The following RNFT2 variants were observed in gnomAD, a reference collection of about 807,000 sequenced individuals.
RNFT2 encodes E3 ubiquitin-protein ligase RNFT2.
RNFT2 carries 36 observed loss-of-function variants against 53.0 expected under a neutral mutation model. That is an observed-to-expected ratio of 0.68 (90% confidence interval 0.52 to 0.90). The LOEUF is 0.90. Ranked by LOEUF, RNFT2 falls within the 40% of genes least tolerant of loss-of-function variation. RNFT2 has a pLI of 0.00. For synonymous variants in RNFT2, 260 were observed against 253.2 expected (o/e 1.03, Z -0.26); for missense variants, 514 against 585.6 (o/e 0.88, Z 1.26).
At position 116,750,016 on chromosome 12, in the gene RNFT2, G is replaced by A. The variant is rs767240872; in HGVS notation, c.259G>A (p.Val87Met). The change falls in exon 4 of 11, where the codon GTG (valine) becomes ATG (methionine). Residue 87 changes from valine to methionine, a missense_variant. By Grantham distance (21) the Val-to-Met change is conservative. Around this residue, in one of 3 missense-constraint regions of RNFT2, gnomAD observed 237 missense variants for 235.1 expected, o/e 1.01. Transcript: ENST00000257575. The stretch of plus-strand genomic sequence containing the variant: ...GGGCTCCTCGGCTGGCGGCGGGGAC[G>A]TGTTCATCCAGATGCCCGCGTCCAG... The part of the protein sequence containing the change: ...VLGSSAGGGD[V>M]FIQMPASREE... The A allele has an allele frequency of 5.8e-6, 9 of 1,554,436 alleles. No homozygotes were observed. Among genetic ancestry groups the A allele is most frequent in the African/African-American group, 1.4e-5 (1 of 73,350 alleles).
At chr12:116,742,554 G>A (rs984838210) in intron 3 of RNFT2, among the ~76,000 whole-genome samples, 9 of 152,080 alleles carry the variant, frequency 5.9e-5, no homozygotes, top group Non-Finnish European at 1.3e-4. Context: ...GATTATAAGC[G>A]CAAGCCACCA....
In RNFT2 at chr12:116,749,338, C is replaced by T. The variant is rs545138627; in HGVS notation, c.84-503C>T. 4.2e-5 allele frequency among the ~76,000 whole-genome samples: 6 copies of T among 141,394 alleles called. No homozygotes were observed. In the South Asian group the frequency reaches 9.3e-4, roughly 22 times the overall value. 92.8% of individuals were successfully genotyped at this position (141,394 alleles called of 152,430 possible). ...TGTCGCCCAGGCTGGAGTGCAGTGG[C>T]GAGATCTTGGCTCACTACAGCCTCA... On this transcript the variant is annotated intron_variant, in intron 3 of 10. Coordinates refer to ENST00000257575, the MANE Select transcript of RNFT2 (RefSeq NM_001382266.1).
intron 7 of RNFT2, among the ~76,000 whole-genome samples, chr12:116,796,124 G>T (rs1874495339): frequency 6.6e-6 from 1 of 152,018 alleles, no homozygotes; most frequent in Non-Finnish European, 1.5e-5. Flanking sequence ...GGCCAGGGTA[G>T]TCTTGAACTC....
intron 7 of RNFT2, among the ~76,000 whole-genome samples, chr12:116,832,194 C>T (rs965625578): frequency 1.6e-4 from 23 of 140,988 alleles, no homozygotes; most frequent in African/African-American, 6.1e-4. Context: ...TCCAAAATTT[C>T]CTGACACCTC....
At chr12:116,787,689 G>A (rs924020711) in intron 7 of RNFT2, among the ~76,000 whole-genome samples, 2 of 150,398 alleles carry the variant, frequency 1.3e-5, no homozygotes, top group Admixed American at 1.3e-4. Context: ...ACTCAGCCTG[G>A]GCAATAGAGG....
chr12:116,740,733 C>A (rs1419565249), intron 2 of RNFT2: 2 of 639,398 alleles, frequency 3.1e-6, no homozygotes, highest in Non-Finnish European at 5.7e-6. Context: ...CTGCCCACTT[C>A]ACTTCATCCA....
chr12:116,827,699 G>A (rs775283253), intron 7 of RNFT2, among the ~76,000 whole-genome samples: 14 of 152,198 alleles, frequency 9.2e-5, no homozygotes, highest in African/African-American at 1.9e-4. Context: ...GCCACAGACC[G>A]TATGGCCTGC....
intron 7 of RNFT2, among the ~76,000 whole-genome samples, chr12:116,827,247 G>GAAAT (rs1876391627): frequency 1.3e-5 from 2 of 150,982 alleles, no homozygotes; most frequent in Non-Finnish European, 2.9e-5. Context: ...AAGAAAGAAA[G>GAAAT]AAAGGAGTGA....
rs577965707 is a variant in RNFT2, at chr12:116,793,062, C to G, written c.882+13714C>G. On this transcript the variant is annotated intron_variant, in intron 7 of 10. Transcript: ENST00000257575. ...AACGCTGGAGGGTCTGTCAGGAATC[C>G]TCATACCTGGGCCTTCTAGGAGAAC... is the stretch of plus-strand genomic sequence containing the variant. 7.2e-5 allele frequency among the ~76,000 whole-genome samples: 11 copies of G among 152,210 alleles called. No homozygotes were observed. In the South Asian group the frequency reaches 2.3e-3, roughly 32 times the overall value.
intron 7 of RNFT2, among the ~76,000 whole-genome samples, chr12:116,792,617 G>A (rs1006292817): frequency 9.9e-5 from 15 of 152,122 alleles, no homozygotes; most frequent in East Asian, 1.9e-4. Flanking sequence ...AGGTCAGCGC[G>A]TAATCTAGCC....
chr12:116,817,553 T>G (rs1047985841), intron 7 of RNFT2, among the ~76,000 whole-genome samples: 1 of 152,234 alleles, frequency 6.6e-6, no homozygotes, highest in African/African-American at 2.4e-5. Context: ...TCAGTTCCTC[T>G]GATTTTCCTC....
At chr12:116,820,761 C>T (rs574041230) in intron 7 of RNFT2, among the ~76,000 whole-genome samples, 2 of 152,262 alleles carry the variant, frequency 1.3e-5, no homozygotes, top group East Asian at 3.9e-4. Flanking sequence ...CTTCGAACAA[C>T]ATACCCTGCC....
intron 7 of RNFT2, among the ~76,000 whole-genome samples, chr12:116,832,167 A>ATATATG (rs1876707264): frequency 7.0e-6 from 1 of 143,320 alleles, no homozygotes; most frequent in Admixed American, 7.0e-5. Context: ...ATATATATAT[A>ATATATG]TATCTTTCTA....
chr12:116,851,628 T>C lies in RNFT2; in HGVS notation c.*2180T>C, dbSNP rs557264686. 9.9e-6 allele frequency: 6 copies of C among 608,438 alleles called. No homozygotes were observed. In the East Asian group the frequency reaches 1.4e-4, roughly 14 times the overall value. The allele number at this position is 608,438 out of a possible 1,614,324, so 37.7% of individuals were successfully genotyped here. A position where few individuals can be genotyped will look rare whatever the true frequency, so the allele number is the denominator to read the frequency against. On this transcript the variant is annotated 3_prime_UTR_variant, in exon 11 of 11. Transcript: ENST00000257575. The stretch of plus-strand genomic sequence containing the variant: ...GGTGGCGGGTGCCTGTAATCCCAGC[T>C]ACTCAGGAGGCTAAGGCAGGGAGAA...
At chr12:116,787,827 G>A (rs1004595054) in intron 7 of RNFT2, among the ~76,000 whole-genome samples, 5 of 152,094 alleles carry the variant, frequency 3.3e-5, no homozygotes, top group Non-Finnish European at 7.4e-5. Context: ...CCACCTCCCT[G>A]TCTGGCATCT....
At chr12:116,748,323 C>T (rs1489793773) in intron 3 of RNFT2, among the ~76,000 whole-genome samples, 1 of 152,234 alleles carries the variant, frequency 6.6e-6, no homozygotes, top group African/African-American at 2.4e-5. Flanking sequence ...GCTCTCTGCT[C>T]CGCCAGCAGT....
chr12:116,788,518 C>T (rs1374909365), intron 7 of RNFT2, among the ~76,000 whole-genome samples: 1 of 152,112 alleles, frequency 6.6e-6, no homozygotes, highest in African/African-American at 2.4e-5. Context: ...GTGTGGTGCT[C>T]CCACGAGGAC....
At chr12:116,773,031 G>T (rs1176320981) in intron 6 of RNFT2, among the ~76,000 whole-genome samples, 2 of 151,952 alleles carry the variant, frequency 1.3e-5, no homozygotes, top group African/African-American at 4.8e-5. Context: ...GTTTCACCAA[G>T]TTGGCCAGGA....
chr12:116,832,898 C>CTTTTTTTTTTTTTTTTTTTTTTTTTTTTT (rs71095601), intron 7 of RNFT2, among the ~76,000 whole-genome samples: 1 of 84,766 alleles, frequency 1.2e-5, no homozygotes, highest in African/African-American at 4.8e-5. Flanking sequence ...AAGTCGTGTT[C>CTTTTTTTTTTTTTTTTTTTTTTTTTTTTT]TTTTTTTTTT....
Sources: allele counts gnomAD v4.1 joint callset (sites outside exome capture counted in the v4.1 genomes callset), GRCh38; gene constraint gnomAD v4.1.1; regional missense constraint gnomAD v4.1.1; transcripts MANE v1.5; gene names NCBI Gene and HGNC (gene_info 2026-07-23, HGNC 2026-07-21).